SLX4IP: variants seen among roughly 807,000 people sequenced by gnomAD.
SLX4IP encodes the protein protein SLX4IP.
A neutral mutation model predicts 32.9 loss-of-function variants in SLX4IP; 34 were observed. That is an observed-to-expected ratio of 1.03 (90% confidence interval 0.79 to 1.38). SLX4IP has a LOEUF of 1.38. Ranked by LOEUF, SLX4IP falls within the 40% of genes most tolerant of loss-of-function variation. SLX4IP has a pLI of 0.00. For missense variants in SLX4IP, 444 were observed against 479.0 expected (o/e 0.93, Z 0.68); for synonymous variants, 172 against 171.7 (o/e 1.00, Z -0.01).
intron 1 of SLX4IP, among the ~76,000 whole-genome samples, chr20:10,455,087 A>G (rs189661944): frequency 3.3e-5 from 5 of 152,198 alleles, no homozygotes; most frequent in African/African-American, 1.2e-4. Context: ...TTTTTAAATT[A>G]TTTGTCCTCT....
chr20:10,534,616 G>A (rs1969894077), intron 2 of SLX4IP, among the ~76,000 whole-genome samples: 1 of 152,220 alleles, frequency 6.6e-6, no homozygotes, highest in Non-Finnish European at 1.5e-5. Context: ...GGTCCTTTCT[G>A]CTTTGTCCTG....
intron 2 of SLX4IP, among the ~76,000 whole-genome samples, chr20:10,515,182 TCAA>T (rs1314651763): frequency 6.6e-6 from 1 of 151,362 alleles, no homozygotes; most frequent in African/African-American, 2.4e-5. Context: ...CCTCTTGAGT[TCAA>T]CCTGTTCTCC....
intron 2 of SLX4IP, among the ~76,000 whole-genome samples, chr20:10,473,369 C>T (rs542219156): frequency 5.6e-4 from 85 of 152,284 alleles, no homozygotes; most frequent in African/African-American, 1.9e-3. Flanking sequence ...TAGTATCTCC[C>T]ACAGTCATTG....
intron 2 of SLX4IP, among the ~76,000 whole-genome samples, chr20:10,518,977 G>C (rs535533112): frequency 6.6e-6 from 1 of 152,194 alleles, no homozygotes; most frequent in African/African-American, 2.4e-5. Flanking sequence ...CTGGTGTTCT[G>C]AAAGTAACAT....
intron 2 of SLX4IP, among the ~76,000 whole-genome samples, chr20:10,525,146 G>A (rs1440713248): frequency 6.6e-6 from 1 of 152,150 alleles, no homozygotes; most frequent in Non-Finnish European, 1.5e-5. Context: ...TATTTTAAAT[G>A]TGGTTTCTTT....
intron 2 of SLX4IP, among the ~76,000 whole-genome samples, chr20:10,506,957 A>G (rs1405369995): frequency 1.3e-5 from 2 of 152,246 alleles, no homozygotes; most frequent in Non-Finnish European, 2.9e-5. Context: ...ATGAACTTAC[A>G]CATTGTGAAA....
chr20:10,460,816 G>A (rs1047063978), intron 2 of SLX4IP, among the ~76,000 whole-genome samples: 1 of 152,182 alleles, frequency 6.6e-6, no homozygotes, highest in Non-Finnish European at 1.5e-5. Context: ...CACCTCAGAA[G>A]TTCACTGTTG....
chr20:10,590,251 A>G (rs2066692042), intron 4 of SLX4IP, among the ~76,000 whole-genome samples: 1 of 152,112 alleles, frequency 6.6e-6, no homozygotes, highest in African/African-American at 2.4e-5. Flanking sequence ...CCACACATTT[A>G]TACAATTAAT....
intron 2 of SLX4IP, among the ~76,000 whole-genome samples, chr20:10,511,084 C>A (rs2065804014): frequency 6.6e-6 from 1 of 152,210 alleles, no homozygotes; most frequent in Admixed American, 6.5e-5. Context: ...CCTCCATTTA[C>A]CTTTTTGGCA....
Position 10,625,503 on chromosome 20 carries a change from TC to T in SLX4IP, c.*2125del, listed in dbSNP as rs1374939984. The stretch of plus-strand genomic sequence containing the variant: ...TGTTGGTTTTTTGTTATTTCTGTTT[TC>T]TTCTAATCTTTCTCTGAAGTATCAC... On this transcript the variant is annotated 3_prime_UTR_variant, in exon 8 of 8. Coordinates refer to ENST00000334534, the MANE Select transcript of SLX4IP (RefSeq NM_001009608.3). The T allele has an allele frequency of 1.3e-5, 2 of 152,252 alleles. No homozygotes were observed. The highest frequency in any genetic ancestry group is 4.8e-5 in the African/African-American group (2 of 41,472). 9.4% of individuals were successfully genotyped at this position (152,252 alleles called of 1,614,324 possible).
intron 3 of SLX4IP, among the ~76,000 whole-genome samples, chr20:10,558,503 T>C (rs1401375442): frequency 1.3e-5 from 2 of 152,202 alleles, no homozygotes; most frequent in Admixed American, 6.5e-5. Context: ...GATCCTCTCA[T>C]GATTGGGATT....
At chr20:10,468,333 C>A (rs1568694882) in intron 2 of SLX4IP, among the ~76,000 whole-genome samples, 2 of 152,158 alleles carry the variant, frequency 1.3e-5, no homozygotes, top group Non-Finnish European at 2.9e-5. Context: ...TCTTACCATT[C>A]CAGTTCATCT....
chr20:10,537,977 T>C (rs1359344725), intron 2 of SLX4IP, among the ~76,000 whole-genome samples: 3 of 152,222 alleles, frequency 2.0e-5, no homozygotes, highest in Non-Finnish European at 4.4e-5. Flanking sequence ...GAATGCTTTA[T>C]AGAGCTGGGG....
chr20:10,545,933 A>G (rs2066158286), intron 2 of SLX4IP, among the ~76,000 whole-genome samples: 1 of 152,218 alleles, frequency 6.6e-6, no homozygotes, highest in Non-Finnish European at 1.5e-5. Context: ...CCTCTAACTC[A>G]TAAACTGAAA....
At chr20:10,461,329 C>G (rs1029961417) in intron 2 of SLX4IP, among the ~76,000 whole-genome samples, 2 of 152,214 alleles carry the variant, frequency 1.3e-5, no homozygotes, top group African/African-American at 4.8e-5. Context: ...CCATATTATC[C>G]CATCTTATAG....
chr20:10,569,896 C>T (rs76608422), intron 4 of SLX4IP, among the ~76,000 whole-genome samples: 7,511 of 152,216 alleles, frequency 0.049, 268 homozygotes, highest in South Asian at 0.083. Context: ...TAATTACCTC[C>T]TTAAAGACCT....
intron 4 of SLX4IP, among the ~76,000 whole-genome samples, chr20:10,573,385 G>A (rs769397072): frequency 2.6e-5 from 4 of 152,134 alleles, no homozygotes; most frequent in Non-Finnish European, 5.9e-5. Context: ...AACAAGTACT[G>A]TACATCCAAC....
intron 2 of SLX4IP, among the ~76,000 whole-genome samples, chr20:10,502,870 A>G (rs2065731147): frequency 6.6e-6 from 1 of 152,230 alleles, no homozygotes; most frequent in South Asian, 2.1e-4. Flanking sequence ...CATGCCTAAA[A>G]TAATGTCTGG....
intron 6 of SLX4IP, chr20:10,613,369 T>C: frequency 7.4e-7 from 1 of 1,342,548 alleles, no homozygotes; most frequent in Non-Finnish European, 1.1e-6. Flanking sequence ...TGCCTTCAAG[T>C]CTTGCCTGCA....
Sources: allele counts gnomAD v4.1 joint callset (sites outside exome capture counted in the v4.1 genomes callset), GRCh38; gene constraint gnomAD v4.1.1; transcripts MANE v1.5; gene names NCBI Gene and HGNC (gene_info 2026-07-23, HGNC 2026-07-21).